FAM13A: variants seen among roughly 807,000 people sequenced by gnomAD.
FAM13A encodes family with sequence similarity 13 member A, also known as protein FAM13A.
Under a neutral mutation model 129.6 loss-of-function variants are expected in FAM13A, and 76 were observed. The ratio of observed to expected loss-of-function variants is 0.59; its 90% CI spans 0.49 to 0.71. FAM13A has a LOEUF of 0.71. FAM13A is among the 30% of genes least tolerant of loss of function. The probability of loss-of-function intolerance (pLI) is 0.00; values close to 1 mark genes in which losing one functional copy is unlikely to be tolerated. For synonymous variants in FAM13A, 443 were observed against 449.9 expected (o/e 0.98, Z 0.20); for missense variants, 1,108 against 1,249.3 (o/e 0.89, Z 1.70).
chr4:88,922,254 T>C (rs1751245784), intron 5 of FAM13A, among the ~76,000 whole-genome samples: 1 of 152,024 alleles, frequency 6.6e-6, no homozygotes, highest in Non-Finnish European at 1.5e-5. Context: ...ATACATTTTT[T>C]TCAGCACCAC....
intron 3 of FAM13A, among the ~76,000 whole-genome samples, chr4:89,011,879 T>C (rs565110410): frequency 5.9e-5 from 9 of 152,348 alleles, no homozygotes; most frequent in Non-Finnish European, 1.0e-4. Flanking sequence ...TAAAGCACTA[T>C]TGTAGAATAT....
chr4:88,743,300 G>T (rs1740627054), intron 19 of FAM13A, among the ~76,000 whole-genome samples: 1 of 152,178 alleles, frequency 6.6e-6, no homozygotes, highest in Non-Finnish European at 1.5e-5. Context: ...AGCTGCATTT[G>T]TCTGCCTTTA....
At chr4:88,823,056 G>C in intron 7 of FAM13A, 1 of 1,611,668 alleles carries the variant, frequency 6.2e-7, no homozygotes, top group South Asian at 1.1e-5. Context: ...TCCACGGCAA[G>C]TTTGGTCGTC....
intron 7 of FAM13A, among the ~76,000 whole-genome samples, chr4:88,822,823 A>AT (rs1293457594): frequency 6.6e-6 from 1 of 152,174 alleles, no homozygotes; most frequent in Non-Finnish European, 1.5e-5. Context: ...ATAATATTTA[A>AT]TTTTTTCTGT....
intron 5 of FAM13A, among the ~76,000 whole-genome samples, chr4:88,924,441 C>T (rs1199669641): frequency 6.6e-6 from 1 of 152,230 alleles, no homozygotes; most frequent in Admixed American, 6.5e-5. Context: ...CTGACAAAAA[C>T]AAGAAATGGG....
chr4:88,752,804 T>C (rs1284949331), intron 14 of FAM13A, among the ~76,000 whole-genome samples: 1 of 152,168 alleles, frequency 6.6e-6, no homozygotes, highest in African/African-American at 2.4e-5. Flanking sequence ...ATGGAACTAT[T>C]AAACTGACCA....
At chr4:88,844,769 T>A (rs1279908507) in intron 7 of FAM13A, among the ~76,000 whole-genome samples, 1 of 152,146 alleles carries the variant, frequency 6.6e-6, no homozygotes, top group African/African-American at 2.4e-5. Context: ...TTAAACTCCG[T>A]GTCTACAGAG....
chr4:88,827,686 C>A (rs560556110), intron 7 of FAM13A, among the ~76,000 whole-genome samples: 2 of 152,312 alleles, frequency 1.3e-5, no homozygotes, highest in East Asian at 3.9e-4. Flanking sequence ...TCAACCAAAT[C>A]TATTGATTGA....
At chr4:88,921,632 A>C (rs1223926071) in intron 5 of FAM13A, among the ~76,000 whole-genome samples, 7 of 152,234 alleles carry the variant, frequency 4.6e-5, no homozygotes, top group African/African-American at 1.7e-4. Flanking sequence ...ACTAGGAAGA[A>C]ACTGCATCAA....
intron 8 of FAM13A, among the ~76,000 whole-genome samples, chr4:88,793,098 TTGGTTTGTGGAAGACACTGAG>T (rs1725486667): frequency 6.6e-6 from 1 of 152,012 alleles, no homozygotes; most frequent in Non-Finnish European, 1.5e-5. Context: ...TCTAATACTG[TTGGTTTGTGGAAGACACTGAG>T]TGGCAGAGGC....
chr4:88,975,155 T>C (rs1310942732), intron 4 of FAM13A, among the ~76,000 whole-genome samples: 4 of 152,006 alleles, frequency 2.6e-5, no homozygotes, highest in East Asian at 1.9e-4. Context: ...TAGTAGAAAA[T>C]AGAGGGTTAG....
At chr4:89,003,683 T>A (rs1464178341) in intron 3 of FAM13A, among the ~76,000 whole-genome samples, 2 of 151,750 alleles carry the variant, frequency 1.3e-5, no homozygotes, top group Non-Finnish European at 2.9e-5. Flanking sequence ...ACAAATATTG[T>A]CAGAAAATAT....
At chr4:88,887,530 CTTTCT>C (rs1561254997) in intron 6 of FAM13A, among the ~76,000 whole-genome samples, 3 of 128,752 alleles carry the variant, frequency 2.3e-5, no homozygotes. Flanking sequence ...ACCTTTCTTT[CTTTCT>C]TTTTTTTTTT....
intron 19 of FAM13A, among the ~76,000 whole-genome samples, chr4:88,743,861 C>A (rs888063014): frequency 6.6e-6 from 1 of 152,116 alleles, no homozygotes. Context: ...AACTATGCGG[C>A]CTCAAACTCT....
In FAM13A at chr4:88,739,140, T is replaced by TGA. The variant is rs760301767; in HGVS notation, c.2467-17_2467-16dup. ...TTCTTTGTTACCTGAAAAGCAAGAATGAGAGCTATGAGAAGCCTGCTGCTG... is the reference window on the plus strand; with the variant it reads ...TTCTTTGTTACCTGAAAAGCAAGAATGAGAGAGCTATGAGAAGCCTGCTGCTG... On this transcript the variant is annotated splice_polypyrimidine_tract_variant and intron_variant, in intron 19 of 23. Transcript: ENST00000264344. 2 of 1,573,858 alleles carry TGA rather than the reference T, an allele frequency of 1.3e-6. No homozygotes were observed. The highest frequency in any genetic ancestry group is 1.7e-6 in the Non-Finnish European group (2 of 1,143,442).
chr4:88,869,054 C>T (rs745843870), intron 6 of FAM13A, among the ~76,000 whole-genome samples: 2 of 152,120 alleles, frequency 1.3e-5, no homozygotes, highest in Non-Finnish European at 2.9e-5. Context: ...GGACTCAAAC[C>T]ATTAGACTAT....
intron 16 of FAM13A, 57 bp from the exon 17 acceptor site, chr4:88,749,090 G>C (rs1011052400): frequency 5.6e-6 from 7 of 1,253,172 alleles, no homozygotes; most frequent in Non-Finnish European, 8.2e-6. Context: ...AAAGTAAGAA[G>C]TGTTTGATGA....
intron 5 of FAM13A, among the ~76,000 whole-genome samples, chr4:88,910,461 G>A (rs993294321): frequency 1.3e-5 from 2 of 151,972 alleles, no homozygotes; most frequent in Admixed American, 6.5e-5. Flanking sequence ...CTCTTTTAAG[G>A]TTTGGTCCCT....
At chr4:88,951,474 G>A (rs1024690648) in intron 4 of FAM13A, among the ~76,000 whole-genome samples, 2 of 152,180 alleles carry the variant, frequency 1.3e-5, no homozygotes, top group African/African-American at 4.8e-5. Flanking sequence ...GGTTAAAAGA[G>A]AATATAAGTC....
Sources: gnomAD v4.1 joint callset for allele counts (sites outside exome capture counted in the v4.1 genomes callset) on GRCh38, gnomAD v4.1.1 for gene constraint, MANE v1.5 for transcripts, NCBI Gene and HGNC (gene_info 2026-07-23, HGNC 2026-07-21) for gene names.